The following MRPL1 variants were observed in gnomAD, a reference collection of about 807,000 sequenced individuals.
MRPL1 encodes the protein mitochondrial ribosomal protein L1.
MRPL1 carries 28 observed loss-of-function variants against 38.0 expected under a neutral mutation model. That is an observed-to-expected ratio of 0.74 (90% CI 0.55 to 1.01). MRPL1 has a LOEUF of 1.01. MRPL1 is among the 50% of genes least tolerant of loss of function. The pLI is 0.00. For missense variants in MRPL1, 358 were observed against 389.8 expected (o/e 0.92, Z 0.69); for synonymous variants, 123 against 126.7 (o/e 0.97, Z 0.20).
chr4:77,871,938 A>G (rs1026740048), intron 2 of MRPL1, 83 bp downstream of exon 2: 2 of 866,460 alleles, frequency 2.3e-6, no homozygotes, highest in Non-Finnish European at 3.7e-6. Context: ...ATAAAGATTT[A>G]CCAGGACATA....
chr4:77,920,737 C>G (rs951100469), intron 7 of MRPL1, among the ~76,000 whole-genome samples: 1 of 151,976 alleles, frequency 6.6e-6, no homozygotes, highest in Non-Finnish European at 1.5e-5. Flanking sequence ...TTTATTCCCT[C>G]TATAGTACCC....
intron 7 of MRPL1, among the ~76,000 whole-genome samples, chr4:77,910,984 A>C (rs1473950336): frequency 1.3e-5 from 2 of 152,178 alleles, no homozygotes; most frequent in Non-Finnish European, 2.9e-5. Context: ...ATAAAATACA[A>C]ATTTTAAGAG....
chr4:77,950,489 C>G (rs76654800), intron 8 of MRPL1, among the ~76,000 whole-genome samples: 1,959 of 152,232 alleles, frequency 0.013, 53 homozygotes, highest in African/African-American at 0.045. Context: ...TGCTTGAAGC[C>G]AAGCAAGGGT....
chr4:77,941,391 T>C (rs1390409437), intron 7 of MRPL1, among the ~76,000 whole-genome samples: 1 of 152,236 alleles, frequency 6.6e-6, no homozygotes, highest in Non-Finnish European at 1.5e-5. Flanking sequence ...ATAGAACAAT[T>C]TAGGGAAGAT....
In MRPL1 at chr4:77,887,410, T is replaced by A. The variant is rs1735706226; in HGVS notation, c.558+119T>A. On this transcript the variant is annotated intron_variant, in intron 5 of 8. Coordinates refer to ENST00000315567, the MANE Select transcript of MRPL1 (RefSeq NM_020236.4). ...TCTTATGATAAATAGTTAATAGGTC[T>A]TTATAAGAGCAGGAAAAAAATTTCC... 3.5e-6 allele frequency: 3 copies of A among 853,170 alleles called. No homozygotes were observed. The East Asian group carries it at 8.1e-5, about 23-fold the overall frequency. The allele number at this position is 853,170 out of a possible 1,614,324, so 52.8% of individuals were successfully genotyped here.
At chr4:77,885,616 CG>C (rs1735660813) in intron 4 of MRPL1, among the ~76,000 whole-genome samples, 2 of 152,142 alleles carry the variant, frequency 1.3e-5, no homozygotes, top group Non-Finnish European at 2.9e-5. Context: ...CCGCCCGCCT[CG>C]GCCTCCCAAA....
chr4:77,932,397 C>T (rs567422694), intron 7 of MRPL1, among the ~76,000 whole-genome samples: 8 of 152,104 alleles, frequency 5.3e-5, no homozygotes, highest in Non-Finnish European at 8.8e-5. Flanking sequence ...AGGAATAGAT[C>T]CTTGGCCCAT....
chr4:77,874,255 G>A (rs1347682605), intron 2 of MRPL1, among the ~76,000 whole-genome samples: 1 of 152,020 alleles, frequency 6.6e-6, no homozygotes, highest in Admixed American at 6.6e-5. Context: ...CAAAGTGCTG[G>A]GATTACAGGT....
At chr4:77,897,909 C>A (rs1465007682) in intron 6 of MRPL1, among the ~76,000 whole-genome samples, 1 of 152,138 alleles carries the variant, frequency 6.6e-6, no homozygotes, top group African/African-American at 2.4e-5. Context: ...ATGAAAGACT[C>A]CATTAATGAT....
In MRPL1 at chr4:77,946,129, C is replaced by T. The variant is rs540282336; in HGVS notation, c.778-3668C>T. Among the ~76,000 whole-genome samples, 48 of 152,044 alleles carry T rather than the reference C, an allele frequency of 3.2e-4. 1 individual carries two copies. Among genetic ancestry groups the T allele is most frequent in the Non-Finnish European group, 6.2e-4 (42 of 68,004 alleles). On this transcript the variant is annotated intron_variant, in intron 7 of 8. Coordinates refer to ENST00000315567, the MANE Select transcript of MRPL1 (RefSeq NM_020236.4). ...CCGCGTAAGACAGACACTCCCAGAG[C>T]GGCCGTTTATAGACCTCCCCCCAGG...
intron 7 of MRPL1, among the ~76,000 whole-genome samples, chr4:77,925,333 C>CT (rs1242232262): frequency 1.1e-3 from 160 of 144,256 alleles, no homozygotes; most frequent in African/African-American, 2.6e-3. Flanking sequence ...TAATTAAGTA[C>CT]TTTTTTTTTT....
intron 7 of MRPL1, among the ~76,000 whole-genome samples, chr4:77,933,171 C>T (rs899143651): frequency 6.6e-6 from 1 of 152,120 alleles, no homozygotes; most frequent in Non-Finnish European, 1.5e-5. Context: ...GCCTCGAACT[C>T]CTGTTCTCAA....
intron 5 of MRPL1, among the ~76,000 whole-genome samples, chr4:77,887,687 G>A (rs901395072): frequency 4.6e-5 from 7 of 151,762 alleles, no homozygotes; most frequent in Admixed American, 6.6e-5. Context: ...CACTGCACTC[G>A]GCTAATTTTT....
chr4:77,894,327 T>G (rs1206092894), intron 6 of MRPL1, 77 bp downstream of exon 6: 63 of 865,288 alleles, frequency 7.3e-5, no homozygotes, highest in Non-Finnish European at 1.1e-4. Flanking sequence ...AACAAAGTTG[T>G]TCATGTATGC....
At position 77,872,261 on chromosome 4, in the gene MRPL1, A is replaced by G. The variant is rs537932042; in HGVS notation, c.143+406A>G. Among the ~76,000 whole-genome samples, 10 of 152,084 alleles carry G rather than the reference A, an allele frequency of 6.6e-5. No individual in the cohort carries two copies. In the South Asian group the frequency reaches 2.1e-3, roughly 32 times the overall value. On this transcript the variant is annotated intron_variant, in intron 2 of 8. Coordinates refer to ENST00000315567, the MANE Select transcript of MRPL1 (RefSeq NM_020236.4). ...TCGCTGCCTTTTTAGAACAGAACCC[A>G]CTGTTGCAATTAATGAATTTTAATT...
chr4:77,882,814 A>G (rs1294738726), intron 2 of MRPL1, among the ~76,000 whole-genome samples: 1 of 152,174 alleles, frequency 6.6e-6, no homozygotes, highest in Non-Finnish European at 1.5e-5. Flanking sequence ...ATTTTGTGTC[A>G]TATGTTTTCA....
At position 77,952,655 on chromosome 4, in the gene MRPL1, GA is replaced by G; in HGVS notation, c.*52del. Reference sequence around the variant, plus strand: ...TTTCAGTGGTTTAAGAAGCAATGGAGAAAATGATAATACAGCATAATTTTTA... The same window carrying G: ...TTTCAGTGGTTTAAGAAGCAATGGAGAAATGATAATACAGCATAATTTTTA... On this transcript the variant is annotated 3_prime_UTR_variant, in exon 9 of 9. Coordinates refer to ENST00000315567, the MANE Select transcript of MRPL1 (RefSeq NM_020236.4). 8.3e-7 allele frequency: 1 copy of G among 1,199,634 alleles called. No individual in the cohort carries two copies. The highest frequency in any genetic ancestry group is 1.3e-5 in the South Asian group (1 of 79,004). 74.3% of individuals were successfully genotyped at this position (1,199,634 alleles called of 1,614,324 possible). A position where few individuals can be genotyped will look rare whatever the true frequency, so the allele number is the denominator to read the frequency against.
intron 7 of MRPL1, among the ~76,000 whole-genome samples, chr4:77,918,959 C>T (rs1251612658): frequency 6.6e-6 from 1 of 151,952 alleles, no homozygotes; most frequent in Non-Finnish European, 1.5e-5. Flanking sequence ...AAAATTTAAC[C>T]AATGTGAAAC....
chr4:77,912,284 A>G (rs1179001299), intron 7 of MRPL1, among the ~76,000 whole-genome samples: 1 of 152,168 alleles, frequency 6.6e-6, no homozygotes, highest in Non-Finnish European at 1.5e-5. Flanking sequence ...AGTCAACTAG[A>G]TTAGAAAGGA....
Sources: allele counts gnomAD v4.1 joint callset (sites outside exome capture counted in the v4.1 genomes callset), GRCh38; gene constraint gnomAD v4.1.1; transcripts MANE v1.5; gene names NCBI Gene and HGNC (gene_info 2026-07-23, HGNC 2026-07-21).